Variants in ATP13A4 observed in about 807,000 individuals in gnomAD.
ATP13A4 encodes the protein probable cation-transporting ATPase 13A4.
Under a neutral mutation model 142.5 loss-of-function variants are expected in ATP13A4, and 114 were observed. That is an observed-to-expected ratio of 0.80 (90% CI 0.69 to 0.93). ATP13A4 has a LOEUF of 0.93. ATP13A4 is among the 40% of genes least tolerant of loss of function. The probability of loss-of-function intolerance (pLI) is 0.00; values close to 1 mark genes in which losing one functional copy is unlikely to be tolerated. For missense variants in ATP13A4, 1,392 were observed against 1,454.0 expected, an observed-to-expected ratio of 0.96 and a Z score of 0.69; for synonymous variants, 488 against 514.8, an observed-to-expected ratio of 0.95 and a Z score of 0.70.
At chr3:193,439,825 T>C (rs1426485325) in intron 21 of ATP13A4, among the ~76,000 whole-genome samples, 1 of 152,188 alleles carries the variant, frequency 6.6e-6, no homozygotes, top group Non-Finnish European at 1.5e-5. Context: ...GTTTCAGCCA[T>C]GTTGAGAAGA....
At chr3:193,578,343 C>CTATATCTATATCTA (rs199597589) in intron 2 of ATP13A4, among the ~76,000 whole-genome samples, 33 of 143,178 alleles carry the variant, frequency 2.3e-4, no homozygotes, top group African/African-American at 7.2e-4. Context: ...ATATCTATAT[C>CTATATCTATATCTA]TATCTATCTA....
At chr3:193,561,423 C>A (rs1341767285) in intron 2 of ATP13A4, among the ~76,000 whole-genome samples, 1 of 152,152 alleles carries the variant, frequency 6.6e-6, no homozygotes, top group Non-Finnish European at 1.5e-5. Context: ...TGCTGGTTAC[C>A]TCTTTCATCA....
intron 17 of ATP13A4, among the ~76,000 whole-genome samples, chr3:193,451,215 T>C (rs909160435): frequency 5.9e-5 from 9 of 152,198 alleles, no homozygotes; most frequent in African/African-American, 2.2e-4. Flanking sequence ...GTCCTGGTAC[T>C]CAGGCCCCAG....
chr3:193,589,943 A>G (rs1460841606), intron 1 of ATP13A4, among the ~76,000 whole-genome samples: 2 of 144,506 alleles, frequency 1.4e-5, no homozygotes, highest in Non-Finnish European at 3.0e-5. Context: ...CTACTTGCAT[A>G]CTTGTGTTCT....
intron 1 of ATP13A4, among the ~76,000 whole-genome samples, chr3:193,521,053 G>A (rs13082545): frequency 0.14 from 21,315 of 152,164 alleles, 1,598 homozygotes; most frequent in Non-Finnish European, 0.16. Flanking sequence ...GGCAACGATC[G>A]TAAAAATGCT....
At chr3:193,502,350 G>C in intron 3 of ATP13A4, 143 bp downstream of exon 3, 6 of 999,408 alleles carry the variant, frequency 6.0e-6, no homozygotes, top group Non-Finnish European at 9.2e-6. Context: ...CTGAGATTTG[G>C]ACTGTCTGGC....
intron 1 of ATP13A4, among the ~76,000 whole-genome samples, chr3:193,546,983 C>T (rs890052040): frequency 3.3e-5 from 5 of 152,210 alleles, no homozygotes; most frequent in Non-Finnish European, 5.9e-5. Context: ...CTACTCTCAG[C>T]TTGCTCCTAC....
intron 25 of ATP13A4, chr3:193,417,198 G>A (rs1715109633): frequency 6.6e-6 from 1 of 152,198 alleles, no homozygotes; most frequent in African/African-American, 2.4e-5. Flanking sequence ...TTTGTTATCA[G>A]TAACCCTACC....
At chr3:193,504,976 C>T (rs1577031568) in intron 2 of ATP13A4, among the ~76,000 whole-genome samples, 1 of 152,104 alleles carries the variant, frequency 6.6e-6, no homozygotes, top group Non-Finnish European at 1.5e-5. Flanking sequence ...GCTTACAATT[C>T]TCCAGTGTTG....
intron 1 of ATP13A4, among the ~76,000 whole-genome samples, chr3:193,530,764 T>C (rs760701881): frequency 1.1e-4 from 17 of 152,176 alleles, no homozygotes; most frequent in Non-Finnish European, 1.8e-4. Context: ...TGTGATTTCA[T>C]TGCTAATGTC....
At chr3:193,531,804 T>C (rs1003932173) in intron 1 of ATP13A4, among the ~76,000 whole-genome samples, 5 of 152,198 alleles carry the variant, frequency 3.3e-5, no homozygotes, top group Admixed American at 2.0e-4. Flanking sequence ...CAGCAGTTAC[T>C]GTTTCTCTTG....
intron 1 of ATP13A4, among the ~76,000 whole-genome samples, chr3:193,545,660 A>G (rs899736076): frequency 1.3e-5 from 2 of 152,130 alleles, no homozygotes; most frequent in Admixed American, 6.5e-5. Flanking sequence ...TTCTGGATCC[A>G]TCGGCAAATG....
At chr3:193,454,786 T>A (rs558221746) in intron 16 of ATP13A4, among the ~76,000 whole-genome samples, 1 of 152,310 alleles carries the variant, frequency 6.6e-6, no homozygotes, top group South Asian at 2.1e-4. Context: ...GCAATACCAT[T>A]CTGGATATAG....
chr3:193,581,595 T>C (rs2108746599), intron 2 of ATP13A4: 1 of 152,328 alleles, frequency 6.6e-6, no homozygotes, highest in Middle Eastern at 3.4e-3. Context: ...CTAGCATTCC[T>C]AATCCCTTTG....
intron 2 of ATP13A4, among the ~76,000 whole-genome samples, chr3:193,504,690 C>A (rs1052406366): frequency 2.0e-5 from 3 of 152,034 alleles, no homozygotes; most frequent in African/African-American, 4.8e-5. Flanking sequence ...TTATGTCGAG[C>A]CTGAACTGGA....
intron 1 of ATP13A4, among the ~76,000 whole-genome samples, chr3:193,516,290 C>T (rs1030226661): frequency 2.6e-5 from 4 of 152,202 alleles, no homozygotes; most frequent in African/African-American, 9.7e-5. Context: ...CATTAGATTC[C>T]TTTCTACTAT....
intron 24 of ATP13A4, among the ~76,000 whole-genome samples, 178 bp from the exon 25 acceptor site, chr3:193,434,095 C>T (rs1716123962): frequency 6.6e-6 from 1 of 152,084 alleles, no homozygotes; most frequent in South Asian, 2.1e-4. Flanking sequence ...TAATCAAAGC[C>T]AAACCTGTGA....
At chr3:193,485,259 A>G (rs1441784732) in intron 7 of ATP13A4, among the ~76,000 whole-genome samples, 1 of 151,892 alleles carries the variant, frequency 6.6e-6, no homozygotes, top group Non-Finnish European at 1.5e-5. Flanking sequence ...TGAAGGCAGG[A>G]GAAATAAGTC....
chr3:193,500,570 C>T (rs570159667), intron 3 of ATP13A4, among the ~76,000 whole-genome samples: 1 of 152,220 alleles, frequency 6.6e-6, no homozygotes, highest in East Asian at 1.9e-4. Context: ...CCCTCACATG[C>T]GCAGTTCACA....
Sources: gnomAD v4.1 joint callset for allele counts (sites outside exome capture counted in the v4.1 genomes callset) on GRCh38, gnomAD v4.1.1 for gene constraint, MANE v1.5 for transcripts, NCBI Gene and HGNC (gene_info 2026-07-23, HGNC 2026-07-21) for gene names.